Variants in SLC26A8 observed in about 807,000 individuals in gnomAD.
SLC26A8 encodes solute carrier family 26 member 8, also known as testis anion transporter 1.
A neutral mutation model predicts 105.0 loss-of-function variants in SLC26A8; 70 were observed. That is an observed-to-expected ratio of 0.67 (90% CI 0.55 to 0.81). The LOEUF (loss-of-function observed/expected upper bound fraction) is 0.81. SLC26A8 is among the 40% of genes least tolerant of loss of function. The pLI is 0.00. For missense variants in SLC26A8, 998 were observed against 1,181.8 expected, an observed-to-expected ratio of 0.84 and a Z score of 2.28; for synonymous variants, 415 against 438.3, an observed-to-expected ratio of 0.95 and a Z score of 0.66.
At chr6:35,965,019 T>C (rs1379829771) in intron 11 of SLC26A8, among the ~76,000 whole-genome samples, 1 of 151,856 alleles carries the variant, frequency 6.6e-6, no homozygotes, top group Non-Finnish European at 1.5e-5. Flanking sequence ...TTGTTATTTA[T>C]AACAAAAATG....
rs752637669 is a variant in SLC26A8, at chr6:35,943,875, T to C, written c.*25A>G. The C allele has an allele frequency of 6.9e-6, 11 of 1,605,560 alleles. 1 individual carries two copies. In the South Asian group the frequency reaches 1.2e-4, roughly 18 times the overall value. On this transcript the variant is annotated 3_prime_UTR_variant, in exon 20 of 20. Coordinates refer to ENST00000490799, the MANE Select transcript of SLC26A8 (RefSeq NM_052961.4). Reference sequence around the variant, plus strand: ...GGTAGGAGGATTTGCCAGCATTATCTGACCCCTTATTTCTAGTTCATCTCC... The same window carrying C: ...GGTAGGAGGATTTGCCAGCATTATCCGACCCCTTATTTCTAGTTCATCTCC...
chr6:36,000,821 C>T (rs961336116), intron 3 of SLC26A8, among the ~76,000 whole-genome samples: 1 of 152,166 alleles, frequency 6.6e-6, no homozygotes, highest in African/African-American at 2.4e-5. Flanking sequence ...TTTTATAAGA[C>T]ATTTCAAACA....
intron 2 of SLC26A8, among the ~76,000 whole-genome samples, chr6:36,014,711 C>A (rs1761950363): frequency 6.6e-6 from 1 of 152,056 alleles, no homozygotes. Context: ...GAAACCCCGT[C>A]TCTACTAAAA....
At chr6:35,960,191 C>T (rs1455630113) in intron 14 of SLC26A8, 1 of 164,804 alleles carries the variant, frequency 6.1e-6, no homozygotes, top group East Asian at 1.8e-4. Context: ...AGCCTGTATT[C>T]TTCTTTATTA....
At chr6:35,962,749 T>A (rs141879971) in intron 11 of SLC26A8, 128 bp from the exon 12 acceptor site, 5 of 725,338 alleles carry the variant, frequency 6.9e-6, no homozygotes, top group Non-Finnish European at 2.3e-6. Context: ...TTTATATGAA[T>A]ACCATGTCTA....
chr6:35,989,504 CT>C (rs1400521413), intron 7 of SLC26A8: 5 of 152,110 alleles, frequency 3.3e-5, no homozygotes, highest in Non-Finnish European at 7.3e-5. Context: ...AATATGTTAC[CT>C]TTTGTGTCTA....
intron 17 of SLC26A8, among the ~76,000 whole-genome samples, chr6:35,952,214 A>G (rs982715217): frequency 6.6e-6 from 1 of 152,180 alleles, no homozygotes; most frequent in Non-Finnish European, 1.5e-5. Context: ...TAGTGTTTGC[A>G]TGAGACCCCC....
intron 19 of SLC26A8, among the ~76,000 whole-genome samples, chr6:35,945,450 C>G (rs1485014617): frequency 6.6e-6 from 1 of 152,216 alleles, no homozygotes; most frequent in Non-Finnish European, 1.5e-5. Context: ...CTGTGTGTGA[C>G]CTGGCCTCTT....
intron 3 of SLC26A8, among the ~76,000 whole-genome samples, chr6:36,001,138 T>C (rs544603090): frequency 3.3e-5 from 5 of 151,468 alleles, no homozygotes; most frequent in South Asian, 4.2e-4. Context: ...TTCTTTTTCT[T>C]TTTTTTTTGA....
chr6:35,951,457 C>A lies in SLC26A8; in HGVS notation c.2275G>T (p.Ala759Ser), dbSNP rs756893705. The A allele has an allele frequency of 1.9e-6, 3 of 1,614,142 alleles. No homozygotes were observed. In the South Asian group the frequency reaches 3.3e-5, roughly 18 times the overall value. ...FQNANILILIAGCHSSIVRAF... is the reference protein window; with the variant it reads ...FQNANILILISGCHSSIVRAF... ...GAAGGATACTCACAGTGACACCCTG[C>A]AATGAGTATCAAAATGTTGGCGTTT... The change falls in exon 18 of 20, where the codon GCA (alanine) becomes TCA (serine). Residue 759 changes from alanine (A) to serine (S), a missense_variant. Transcript: ENST00000490799.
At chr6:35,960,584 A>C in intron 14 of SLC26A8, 2 of 408,108 alleles carry the variant, frequency 4.9e-6, no homozygotes, top group Non-Finnish European at 4.3e-6. Context: ...TGAACCTGGC[A>C]GGTGGAGGTT....
intron 2 of SLC26A8, among the ~76,000 whole-genome samples, chr6:36,015,994 G>T (rs969255225): frequency 2.5e-4 from 36 of 145,314 alleles, no homozygotes; most frequent in African/African-American, 8.5e-4. Flanking sequence ...AGGATTCTTT[G>T]TTTTTTTTTT....
intron 1 of SLC26A8, among the ~76,000 whole-genome samples, chr6:36,021,156 TAAC>T (rs1473229842): frequency 2.0e-5 from 3 of 152,292 alleles, no homozygotes; most frequent in Non-Finnish European, 2.9e-5. Flanking sequence ...ATATGCTGTA[TAAC>T]AACCATGAAC....
At chr6:35,984,246 A>T (rs1317949178) in intron 7 of SLC26A8, among the ~76,000 whole-genome samples, 2 of 151,332 alleles carry the variant, frequency 1.3e-5, no homozygotes, top group Non-Finnish European at 2.9e-5. Flanking sequence ...ACCTCACCTC[A>T]TGAAGCATTG....
At chr6:36,002,801 T>C (rs956975020) in intron 3 of SLC26A8, among the ~76,000 whole-genome samples, 2 of 152,100 alleles carry the variant, frequency 1.3e-5, no homozygotes, top group African/African-American at 2.4e-5. Context: ...ACCTCCTTGT[T>C]TGAGCGATTC....
rs757441045 is a variant in SLC26A8, at chr6:35,991,732, G to C, written c.869C>G (p.Ala290Gly). 6.2e-7 allele frequency: 1 copy of C among 1,607,054 alleles called. No individual in the cohort carries two copies. Among genetic ancestry groups the C allele is most frequent in the South Asian group, 1.1e-5 (1 of 89,606 alleles). Residue 290 changes from alanine to glycine, a missense_variant, in exon 7 of 20, where the codon GCT becomes GGT. Transcript: ENST00000490799. ...TCTGATACATTTGTTGATTCGCAGA[G>C]CAACAACAACAGTTAGAAATACTAG... Reference protein sequence around the residue: ...SILVFLTVVVALRINKCIRIS... With the variant: ...SILVFLTVVVGLRINKCIRIS...
chr6:35,994,520 T>C (rs553461547), intron 5 of SLC26A8, among the ~76,000 whole-genome samples: 192 of 152,056 alleles, frequency 1.3e-3, no homozygotes, highest in African/African-American at 4.4e-3. Context: ...CTCCTACTTC[T>C]GTGCTTATGC....
intron 19 of SLC26A8, among the ~76,000 whole-genome samples, chr6:35,945,504 T>C (rs534039639): frequency 6.6e-6 from 1 of 152,338 alleles, no homozygotes; most frequent in South Asian, 2.1e-4. Flanking sequence ...CCCCGCCCTT[T>C]GCTCTCACCA....
chr6:35,951,019 T>C (rs1339356622), intron 19 of SLC26A8, 144 bp downstream of exon 19: 49 of 804,232 alleles, frequency 6.1e-5, no homozygotes, highest in Non-Finnish European at 6.8e-5. Context: ...CAGATTCTGG[T>C]ACAGCCATAC....
Sources: allele counts gnomAD v4.1 joint callset (sites outside exome capture counted in the v4.1 genomes callset), GRCh38; gene constraint gnomAD v4.1.1; transcripts MANE v1.5; gene names NCBI Gene and HGNC (gene_info 2026-07-23, HGNC 2026-07-21).